The following UGT1A10 variants were observed in gnomAD, a reference collection of about 807,000 sequenced individuals.
UGT1A10 encodes UDP glucuronosyltransferase family 1 member A10.
A neutral mutation model predicts 45.8 loss-of-function variants in UGT1A10; 49 were observed. That is an observed-to-expected ratio of 1.07 (90% CI 0.85 to 1.36). The LOEUF (loss-of-function observed/expected upper bound fraction) is 1.36. Among genes scored for constraint, UGT1A10 ranks in the 40% most tolerant of loss-of-function variants. The probability of loss-of-function intolerance (pLI) is 0.00; values close to 1 mark genes in which losing one functional copy is unlikely to be tolerated. For synonymous variants in UGT1A10, 284 were observed against 249.7 expected, an observed-to-expected ratio of 1.14 and a Z score of -1.29; for missense variants, 745 against 668.6, an observed-to-expected ratio of 1.11 and a Z score of -1.26.
chr2:233,649,232 T>C (rs1484466559), intron 1 of UGT1A10, among the ~76,000 whole-genome samples: 7 of 152,234 alleles, frequency 4.6e-5, no homozygotes, highest in African/African-American at 1.7e-4. Flanking sequence ...ATACGATTGG[T>C]TAATTGCTCA....
chr2:233,760,466 T>A (rs370892808), intron 1 of UGT1A10: 5 of 1,614,114 alleles, frequency 3.1e-6, no homozygotes, highest in Non-Finnish European at 4.2e-6. Context: ...ATAGTTGTCC[T>A]AGCACCTGAC....
intron 1 of UGT1A10, among the ~76,000 whole-genome samples, chr2:233,673,449 A>G (rs1417068364): frequency 1.3e-5 from 2 of 152,102 alleles, no homozygotes; most frequent in South Asian, 2.1e-4. Flanking sequence ...ACTCTTTAAT[A>G]CTTTCCTTAC....
chr2:233,699,516 T>G (rs368218904), intron 1 of UGT1A10, among the ~76,000 whole-genome samples: 7 of 152,210 alleles, frequency 4.6e-5, no homozygotes, highest in African/African-American at 1.7e-4. Flanking sequence ...TGTTCAAGCC[T>G]TCCGAAGGAC....
chr2:233,718,737 A>G lies in UGT1A10; in HGVS notation c.856-48297A>G, dbSNP rs545724404. On this transcript the variant is annotated intron_variant, in intron 1 of 4. Transcript: ENST00000344644. ...ACATGCTGATTTGCTAGGTGGCTCA[A>G]TGACAAGGTAATTAAGGCGAAGGAA... 56 of 1,611,866 alleles carry G rather than the reference A, an allele frequency of 3.5e-5. No homozygotes were observed. In the African/African-American group the frequency reaches 4.3e-4, roughly 12 times the overall value.
intron 1 of UGT1A10, chr2:233,682,084 C>T (rs1387851002): frequency 1.9e-6 from 3 of 1,614,096 alleles, no homozygotes; most frequent in Non-Finnish European, 8.5e-7. Context: ...AGAAACTCAT[C>T]CTCAGGGGGC....
intron 1 of UGT1A10, chr2:233,743,488 G>A: frequency 1.5e-6 from 2 of 1,367,106 alleles, no homozygotes; most frequent in African/African-American, 3.0e-5. Context: ...TTCACTGAAG[G>A]CAGAGAAAAG....
chr2:233,685,319 C>T (rs915845049), intron 1 of UGT1A10, among the ~76,000 whole-genome samples: 2 of 152,088 alleles, frequency 1.3e-5, no homozygotes, highest in South Asian at 4.1e-4. Context: ...AGGTGTGAAC[C>T]ACCACACCCG....
chr2:233,755,990 C>G (rs1406862229), intron 1 of UGT1A10: 1 of 152,186 alleles, frequency 6.6e-6, no homozygotes, highest in East Asian at 1.9e-4. Context: ...CTCATGTCAG[C>G]TTCTGCATTC....
chr2:233,638,695 T>A (rs1170475089), intron 1 of UGT1A10, among the ~76,000 whole-genome samples: 1 of 152,186 alleles, frequency 6.6e-6, no homozygotes, highest in Non-Finnish European at 1.5e-5. Context: ...CACATTTTTA[T>A]GTATTGTTCT....
chr2:233,771,657 A>G (rs1277760780), intron 4 of UGT1A10: 1 of 152,474 alleles, frequency 6.6e-6, no homozygotes, highest in Non-Finnish European at 1.5e-5. Flanking sequence ...AATATAATGA[A>G]ATTTCTCACA....
chr2:233,667,886 G>A (rs1344182149), intron 1 of UGT1A10, among the ~76,000 whole-genome samples: 1 of 152,150 alleles, frequency 6.6e-6, no homozygotes, highest in Non-Finnish European at 1.5e-5. Context: ...GAAACAACAG[G>A]TGCTGTAGAG....
At position 233,713,775 on chromosome 2, in the gene UGT1A10, G is replaced by A. The variant is rs2076345614; in HGVS notation, c.856-53259G>A. 1 of 1,614,026 alleles carries A rather than the reference G, an allele frequency of 6.2e-7. No homozygotes were observed. Among genetic ancestry groups the A allele is most frequent in the South Asian group, 1.1e-5 (1 of 91,070 alleles). On this transcript the variant is annotated intron_variant, in intron 1 of 4. Coordinates refer to ENST00000344644, the MANE Select transcript of UGT1A10 (RefSeq NM_019075.4). ...TGTGTGGCTGTTCCGAGGGGACTTT[G>A]TGATGGATTACCCCAGGCCGATCAT...
intron 1 of UGT1A10, chr2:233,713,496 G>A: frequency 3.1e-6 from 5 of 1,613,972 alleles, no homozygotes; most frequent in South Asian, 1.1e-5. Context: ...GTCGATTCCT[G>A]CTGTGTTTTT....
chr2:233,760,041 G>A (rs1458038785), intron 1 of UGT1A10, among the ~76,000 whole-genome samples: 2 of 152,178 alleles, frequency 1.3e-5, no homozygotes, highest in Admixed American at 6.5e-5. Context: ...GTACTTTGCT[G>A]TGTTCACTCA....
In UGT1A10 at chr2:233,637,187, A is replaced by G. The variant is rs1165171372; in HGVS notation, c.665A>G (p.Tyr222Cys). 6.2e-7 allele frequency: 1 copy of G among 1,613,990 alleles called. No homozygotes were observed. The part of the protein sequence containing the change: ...VHLEDHLFCQ[Y>C]LFRNALEIAS... ...TTGGAGGACCATTTATTTTGCCAGT[A>G]TCTTTTTAGAAATGCCCTAGAAATA... Residue 222 changes from tyrosine to cysteine, a missense_variant, in exon 1 of 5, where the codon TAT becomes TGT. Tyr to Cys is a radical substitution (Grantham distance 194, BLOSUM62 -2). Transcript: ENST00000344644.
intron 1 of UGT1A10, chr2:233,708,298 T>C (rs1286696664): frequency 6.6e-6 from 1 of 152,250 alleles, no homozygotes; most frequent in African/African-American, 2.4e-5. Context: ...CTTTCAGTTT[T>C]TGACAATCCA....
chr2:233,765,861 A>G (rs1698967280), intron 1 of UGT1A10, among the ~76,000 whole-genome samples: 1 of 152,118 alleles, frequency 6.6e-6, no homozygotes, highest in African/African-American at 2.4e-5. Flanking sequence ...AGAGCATGTG[A>G]CAGCGGGAGG....
At chr2:233,693,802 G>A (rs761878719) in intron 1 of UGT1A10, 25 of 1,613,988 alleles carry the variant, frequency 1.5e-5, no homozygotes, top group Admixed American at 1.0e-4. Context: ...ATCCTAGGCC[G>A]GTCATGCCCA....
chr2:233,644,683 A>G (rs930349787), intron 1 of UGT1A10, among the ~76,000 whole-genome samples: 2 of 152,164 alleles, frequency 1.3e-5, no homozygotes, highest in African/African-American at 2.4e-5. Flanking sequence ...AGTGCCTCCC[A>G]ATTGTCTCCC....
Sources: gnomAD v4.1 joint callset for allele counts (sites outside exome capture counted in the v4.1 genomes callset) on GRCh38, gnomAD v4.1.1 for gene constraint, MANE v1.5 for transcripts, NCBI Gene and HGNC (gene_info 2026-07-23, HGNC 2026-07-21) for gene names.